Variants in CADPS observed in about 807,000 individuals in gnomAD.
CADPS encodes the protein calcium dependent secretion activator, also known as calcium-dependent secretion activator 1.
A neutral mutation model predicts 167.3 loss-of-function variants in CADPS; 57 were observed. The ratio of observed to expected loss-of-function variants is 0.34; its 90% CI spans 0.28 to 0.42. The LOEUF (loss-of-function observed/expected upper bound fraction) is 0.42, where lower values mean the gene tolerates loss of function less well. Among genes scored for constraint, CADPS ranks in the 20% least tolerant of loss-of-function variants. The probability of loss-of-function intolerance (pLI) is 1.00; values close to 1 mark genes in which losing one functional copy is unlikely to be tolerated. For missense variants in CADPS, 1,414 were observed against 1,738.1 expected, an observed-to-expected ratio of 0.81 and a Z score of 3.32; for synonymous variants, 676 against 635.3, an observed-to-expected ratio of 1.06 and a Z score of -0.96.
Position 62,601,129 on chromosome 3 carries a change from G to C in CADPS, c.1326-8381C>G, listed in dbSNP as rs2059902306. On this transcript the variant is annotated intron_variant, in intron 6 of 29. Transcript: ENST00000383710. This position sits in a 1 kb window ranked among gnomAD's most constrained non-coding sequence, Gnocchi z 4.3. ...TTGTTAAACTATGGCCATGGGTATG[G>C]GTCTGCTTATGTATGGCTCATAAGC... is the stretch of plus-strand genomic sequence containing the variant. Among the ~76,000 whole-genome samples, 2 of 152,128 alleles carry C rather than the reference G, an allele frequency of 1.3e-5. No homozygotes were observed. The highest frequency in any genetic ancestry group is 1.3e-4 in the Admixed American group (2 of 15,272).
intron 3 of CADPS, among the ~76,000 whole-genome samples, chr3:62,726,431 G>A (rs2076758103): frequency 6.6e-6 from 1 of 151,766 alleles, no homozygotes; most frequent in Admixed American, 6.5e-5. Flanking sequence ...ATACCCCTTG[G>A]ACTGAATGAA....
chr3:62,651,097 A>G lies in CADPS; in HGVS notation c.970-17T>C. Reference sequence around the variant, plus strand: ...TTTGCGTTCCTTGGGAAGAAAAAGAAAAGTATGAGCAGAGGAGAAAATAGA... The same window carrying G: ...TTTGCGTTCCTTGGGAAGAAAAAGAGAAGTATGAGCAGAGGAGAAAATAGA... On this transcript the variant is annotated splice_polypyrimidine_tract_variant and intron_variant, in intron 4 of 29. Coordinates refer to ENST00000383710, the MANE Select transcript of CADPS (RefSeq NM_003716.4). 3 of 1,553,792 alleles carry G rather than the reference A, an allele frequency of 1.9e-6. No homozygotes were observed. Among genetic ancestry groups the G allele is most frequent in the Non-Finnish European group, 2.7e-6 (3 of 1,125,704 alleles).
At position 62,874,399 on chromosome 3, in the gene CADPS, G is replaced by A. The variant is rs1380554005; in HGVS notation, c.441+190C>T. On this transcript the variant is annotated intron_variant, in intron 1 of 29. Coordinates refer to ENST00000383710, the MANE Select transcript of CADPS (RefSeq NM_003716.4). The surrounding 1 kb of genome is among the most constrained non-coding windows in gnomAD (Gnocchi z 7.1). ...GCCGGTCCCAGTCAGCTCCAGGAGC[G>A]CTCCAGGCTGGGTTGGGCTGGGCCT... Among the ~76,000 whole-genome samples the A allele has an allele frequency of 3.3e-5, 5 of 152,120 alleles. No homozygotes were observed. The highest frequency in any genetic ancestry group is 7.4e-5 in the Non-Finnish European group (5 of 68,010).
intron 1 of CADPS, among the ~76,000 whole-genome samples, chr3:62,855,654 C>T (rs191434430): frequency 2.6e-4 from 40 of 152,166 alleles, no homozygotes; most frequent in African/African-American, 7.7e-4. Context: ...AGTCACAAAA[C>T]GTAAGTTGTC....
intron 3 of CADPS, among the ~76,000 whole-genome samples, chr3:62,706,863 G>A (rs1276234747): frequency 2.6e-5 from 4 of 152,090 alleles, no homozygotes; most frequent in African/African-American, 9.7e-5. Context: ...TGGAAGCGGG[G>A]TGAGGGATGA....
Position 62,544,889 on chromosome 3 carries a change from A to G in CADPS, c.1966+5014T>C. On this transcript the variant is annotated intron_variant, in intron 11 of 29. Coordinates refer to ENST00000383710, the MANE Select transcript of CADPS (RefSeq NM_003716.4). This position sits in a 1 kb window ranked among gnomAD's most constrained non-coding sequence, Gnocchi z 4.4. ...AAGTTAGCAGGGTAAGAAGGAACAA[A>G]CCAGAATAACATAAAGACTAGCAAC... 8.1e-7 allele frequency: 1 copy of G among 1,228,598 alleles called. No individual in the cohort carries two copies. The highest frequency in any genetic ancestry group is 2.3e-4 in the Middle Eastern group (1 of 4,406). 76.1% of individuals were successfully genotyped at this position (1,228,598 alleles called of 1,614,324 possible). A position where few individuals can be genotyped will look rare whatever the true frequency, so the allele number is the denominator to read the frequency against.
chr3:62,434,866 A>G (rs779462078), intron 28 of CADPS, among the ~76,000 whole-genome samples: 10 of 152,174 alleles, frequency 6.6e-5, no homozygotes, highest in Admixed American at 1.3e-4. Flanking sequence ...AACAATACCA[A>G]ACAGCAACAA....
At chr3:62,691,266 G>A (rs978727190) in intron 3 of CADPS, among the ~76,000 whole-genome samples, 1 of 151,938 alleles carries the variant, frequency 6.6e-6, no homozygotes, top group Non-Finnish European at 1.5e-5. Flanking sequence ...TTATGTATTT[G>A]CCAAAACCTA....
In CADPS at chr3:62,674,859, T is replaced by C. The variant is rs2076108479; in HGVS notation, c.889-12465A>G. Among the ~76,000 whole-genome samples the C allele has an allele frequency of 2.0e-5, 3 of 152,176 alleles. No homozygotes were observed. In the South Asian group the frequency reaches 6.2e-4, roughly 32 times the overall value. On this transcript the variant is annotated intron_variant, in intron 3 of 29. Transcript: ENST00000383710. ...GAAGTTGGAAGTAGATTTTGTATGT[T>C]TGGTGAAGCTGAGGTCCATAATCCC...
rs1287611853 is a variant in CADPS, at chr3:62,585,207, G to C, written c.1555C>G (p.Pro519Ala). The C allele has an allele frequency of 6.2e-7, 1 of 1,613,964 alleles. No individual in the cohort carries two copies. Residue 519 changes from proline (P) to alanine (A), a missense_variant, in exon 8 of 30, where the codon CCT becomes GCT. This residue lies in a region of CADPS where 157 missense variants were observed against 229.4 expected (regional missense o/e 0.68). Transcript: ENST00000383710. Reference sequence around the variant, plus strand: ...TACCCAGAATGCTTCATGTTTTGAGGCTTATCCATTCGGACAGCAAGTTTG... The same window carrying C: ...TACCCAGAATGCTTCATGTTTTGAGCCTTATCCATTCGGACAGCAAGTTTG... ...KIKLAVRMDK[P>A]QNMKHSGYLW...
intron 3 of CADPS, among the ~76,000 whole-genome samples, chr3:62,672,461 C>T (rs757877644): frequency 3.3e-5 from 5 of 152,162 alleles, no homozygotes; most frequent in Admixed American, 1.3e-4. Flanking sequence ...CTTATCAAGG[C>T]GTTGAGAGCT....
intron 11 of CADPS, among the ~76,000 whole-genome samples, chr3:62,537,638 G>A (rs565348296): frequency 1.5e-4 from 23 of 152,164 alleles, no homozygotes; most frequent in Admixed American, 9.8e-4. Flanking sequence ...GACCTGCCAG[G>A]AACTAGCGAT....
In CADPS at chr3:62,653,983, T is replaced by A. The variant is rs573820702; in HGVS notation, c.970-2903A>T. Among the ~76,000 whole-genome samples the A allele has an allele frequency of 3.3e-5, 5 of 152,128 alleles. No individual in the cohort carries two copies. The South Asian group carries it at 1.0e-3, about 32-fold the overall frequency. On this transcript the variant is annotated intron_variant, in intron 4 of 29. Transcript: ENST00000383710. ...CAGGATGGATGCTTCTGAAATGAGA[T>A]GACAGGCTGATGATCTTGACAAGAG...
chr3:62,546,326 T>C (rs1201320789), intron 11 of CADPS, among the ~76,000 whole-genome samples: 1 of 152,184 alleles, frequency 6.6e-6, no homozygotes, highest in African/African-American at 2.4e-5. Flanking sequence ...CAATCCGTCC[T>C]ACTTTGCTCA....
chr3:62,809,794 C>T (rs2094307934), intron 1 of CADPS, among the ~76,000 whole-genome samples: 1 of 152,094 alleles, frequency 6.6e-6, no homozygotes, highest in South Asian at 2.1e-4. Flanking sequence ...GCATAATATC[C>T]ATGAAATGAA....
At chr3:62,716,874 T>A (rs6773265) in intron 3 of CADPS, among the ~76,000 whole-genome samples, 1 of 151,940 alleles carries the variant, frequency 6.6e-6, no homozygotes, top group Non-Finnish European at 1.5e-5. Context: ...ACTTTCCTGG[T>A]GGTACACCTG....
At chr3:62,530,014 A>G (rs17066531) in intron 13 of CADPS, among the ~76,000 whole-genome samples, 14,973 of 152,196 alleles carry the variant, frequency 0.098, 1,103 homozygotes, top group African/African-American at 0.21. Flanking sequence ...CAATTTATAA[A>G]CCCGCAAAGA....
chr3:62,858,705 G>T (rs2080171480), intron 1 of CADPS, among the ~76,000 whole-genome samples: 3 of 152,134 alleles, frequency 2.0e-5, no homozygotes. Context: ...TAAACACACT[G>T]CGTAAATTTG....
chr3:62,502,304 A>ATT (rs545359923), intron 17 of CADPS, among the ~76,000 whole-genome samples: 3 of 144,468 alleles, frequency 2.1e-5, no homozygotes, highest in African/African-American at 5.1e-5. Flanking sequence ...CTTAGAAGTG[A>ATT]TTTTTTTTTT....
Sources: gnomAD v4.1 joint callset for allele counts (sites outside exome capture counted in the v4.1 genomes callset) on GRCh38, gnomAD v4.1.1 for gene constraint, gnomAD v4.1.1 regional missense constraint, Gnocchi (gnomAD v3.1) non-coding constraint, MANE v1.5 for transcripts, NCBI Gene and HGNC (gene_info 2026-07-23, HGNC 2026-07-21) for gene names.